Variants in CWC27 observed in about 807,000 individuals in gnomAD.
CWC27 encodes the protein spliceosome-associated protein CWC27 homolog.
In CWC27, 47 loss-of-function variants were observed where a neutral mutation model predicts 63.6. The ratio of observed to expected loss-of-function variants is 0.74; its 90% CI spans 0.58 to 0.94. The LOEUF is 0.94. Ranked by LOEUF, CWC27 falls within the 40% of genes least tolerant of loss-of-function variation. The pLI is 0.00. For missense variants in CWC27, 495 were observed against 554.3 expected, an observed-to-expected ratio of 0.89 and a Z score of 1.07; for synonymous variants, 175 against 179.8, an observed-to-expected ratio of 0.97 and a Z score of 0.22.
intron 7 of CWC27, among the ~76,000 whole-genome samples, chr5:64,794,188 G>C (rs533974045): frequency 6.6e-6 from 1 of 151,976 alleles, no homozygotes; most frequent in Non-Finnish European, 1.5e-5. Flanking sequence ...CATAATAATC[G>C]TATCTTGAGT....
At chr5:64,888,094 T>C (rs1030481204) in intron 11 of CWC27, among the ~76,000 whole-genome samples, 41 of 152,054 alleles carry the variant, frequency 2.7e-4, no homozygotes, top group African/African-American at 9.4e-4. Context: ...AGTGGTTGAT[T>C]GCAGGTCTGG....
chr5:64,939,864 G>C (rs1748434898), intron 11 of CWC27, among the ~76,000 whole-genome samples: 1 of 152,200 alleles, frequency 6.6e-6, no homozygotes, highest in Admixed American at 6.5e-5. Flanking sequence ...GCTTTGCCAA[G>C]CTGCACTGGG....
intron 10 of CWC27, among the ~76,000 whole-genome samples, chr5:64,837,753 T>C (rs1191120809): frequency 6.6e-6 from 1 of 152,044 alleles, no homozygotes; most frequent in African/African-American, 2.4e-5. Flanking sequence ...TTAGTTAAGC[T>C]ATGTAATTTT....
chr5:64,978,992 G>A (rs947030464), intron 13 of CWC27, among the ~76,000 whole-genome samples: 3 of 152,116 alleles, frequency 2.0e-5, no homozygotes, highest in Non-Finnish European at 4.4e-5. Flanking sequence ...GTTCTTCCTA[G>A]CCCCTTGGTT....
At chr5:64,855,257 A>G (rs1220043871) in intron 10 of CWC27, among the ~76,000 whole-genome samples, 1 of 152,174 alleles carries the variant, frequency 6.6e-6, no homozygotes, top group Admixed American at 6.5e-5. Flanking sequence ...ATCTCCAAGT[A>G]ATTATTCAGA....
At chr5:65,009,283 TC>T (rs1749903730) in intron 13 of CWC27, among the ~76,000 whole-genome samples, 1 of 152,164 alleles carries the variant, frequency 6.6e-6, no homozygotes. Flanking sequence ...TCATGAGGGA[TC>T]CACCCCCATG....
At chr5:64,892,357 CTT>C (rs1747258770) in intron 11 of CWC27, among the ~76,000 whole-genome samples, 2 of 151,248 alleles carry the variant, frequency 1.3e-5, no homozygotes, top group Admixed American at 6.6e-5. Context: ...ATTACTGTCT[CTT>C]TATTTAAAAA....
At chr5:64,844,629 ACT>A (rs749673490) in intron 10 of CWC27, among the ~76,000 whole-genome samples, 9 of 152,112 alleles carry the variant, frequency 5.9e-5, no homozygotes, top group Non-Finnish European at 8.8e-5. Context: ...AGGCAGAGAG[ACT>A]CTCCACCTTT....
intron 2 of CWC27, among the ~76,000 whole-genome samples, chr5:64,779,912 G>C (rs1012324219): frequency 1.3e-5 from 2 of 152,178 alleles, no homozygotes; most frequent in African/African-American, 4.8e-5. Flanking sequence ...GCTGCCTGAA[G>C]AAAGTGCCTG....
chr5:64,916,740 A>G (rs1747894551), intron 11 of CWC27, among the ~76,000 whole-genome samples: 1 of 152,174 alleles, frequency 6.6e-6, no homozygotes, highest in African/African-American at 2.4e-5. Context: ...TTGGCAAACA[A>G]AAACATACCT....
chr5:65,014,677 T>C (rs775684227), intron 13 of CWC27, among the ~76,000 whole-genome samples: 6 of 152,152 alleles, frequency 3.9e-5, no homozygotes, highest in Middle Eastern at 3.2e-3. Flanking sequence ...CTAAATCTTA[T>C]TGTGTATCCT....
At chr5:64,856,389 A>G (rs544600893) in intron 10 of CWC27, among the ~76,000 whole-genome samples, 4 of 151,228 alleles carry the variant, frequency 2.6e-5, no homozygotes, top group Non-Finnish European at 5.9e-5. Context: ...CCTGAAAACA[A>G]TTTTCTGTAT....
chr5:64,863,983 A>G (rs1746477798), intron 10 of CWC27, among the ~76,000 whole-genome samples: 4 of 152,132 alleles, frequency 2.6e-5, no homozygotes, highest in South Asian at 2.1e-4. Flanking sequence ...TATATTTATT[A>G]TCTTGCATTC....
At chr5:65,015,229 T>C (rs921055216) in intron 13 of CWC27, among the ~76,000 whole-genome samples, 11 of 152,232 alleles carry the variant, frequency 7.2e-5, no homozygotes, top group Admixed American at 4.6e-4. Flanking sequence ...CTTTTTATAT[T>C]CTTAATTGAC....
At chr5:64,780,585 TATA>T (rs1035190342) in intron 2 of CWC27, among the ~76,000 whole-genome samples, 3 of 148,178 alleles carry the variant, frequency 2.0e-5, no homozygotes, top group Admixed American at 6.8e-5. Flanking sequence ...TACTTATAAC[TATA>T]ATTACTTATA....
chr5:64,841,343 T>C (rs567657644), intron 10 of CWC27, among the ~76,000 whole-genome samples: 1 of 152,300 alleles, frequency 6.6e-6, no homozygotes, highest in Admixed American at 6.5e-5. Flanking sequence ...AATCTACTCA[T>C]GAGGGCAGAT....
intron 10 of CWC27, among the ~76,000 whole-genome samples, chr5:64,814,913 A>C (rs1744985272): frequency 6.6e-6 from 1 of 152,052 alleles, no homozygotes; most frequent in Non-Finnish European, 1.5e-5. Context: ...GAGAGATATT[A>C]AGGAGGTAGA....
chr5:65,006,064 GA>G (rs1749836230), intron 13 of CWC27, among the ~76,000 whole-genome samples: 2 of 151,550 alleles, frequency 1.3e-5, no homozygotes, highest in Non-Finnish European at 2.9e-5. Flanking sequence ...AAAGCTTTGT[GA>G]TTTTTGTGTT....
At chr5:64,791,067 AG>A (rs1329076160) in intron 7 of CWC27, among the ~76,000 whole-genome samples, 3 of 152,176 alleles carry the variant, frequency 2.0e-5, no homozygotes, top group Admixed American at 2.0e-4. Context: ...ATTCTGGGGT[AG>A]AAGGCAGCTG....
Sources: gnomAD v4.1 joint callset for allele counts (sites outside exome capture counted in the v4.1 genomes callset) on GRCh38, gnomAD v4.1.1 for gene constraint, MANE v1.5 for transcripts, NCBI Gene and HGNC (gene_info 2026-07-23, HGNC 2026-07-21) for gene names.